Variants in CHFR observed in about 807,000 individuals in gnomAD.
The protein encoded by CHFR is checkpoint with forkhead and ring finger domains.
Under a neutral mutation model 87.6 loss-of-function variants are expected in CHFR, and 57 were observed. The observed-to-expected ratio is 0.65, with a 90% CI of 0.53 to 0.81. The LOEUF is 0.81. CHFR is among the 30% of genes least tolerant of loss of function. The probability of loss-of-function intolerance (pLI) is 0.00; values close to 1 mark genes in which losing one functional copy is unlikely to be tolerated. For synonymous variants in CHFR, 381 were observed against 359.2 expected, an observed-to-expected ratio of 1.06 and a Z score of -0.69; for missense variants, 797 against 865.8, an observed-to-expected ratio of 0.92 and a Z score of 1.00.
At chr12:132,857,807 T>C (rs150783439) in intron 8 of CHFR, among the ~76,000 whole-genome samples, 5 of 152,328 alleles carry the variant, frequency 3.3e-5, no homozygotes, top group African/African-American at 1.2e-4. Flanking sequence ...ACAGCAAGTG[T>C]TTCTGGCCCA....
intron 3 of CHFR, among the ~76,000 whole-genome samples, chr12:132,876,619 C>T (rs1219345198): frequency 6.6e-6 from 1 of 152,034 alleles, no homozygotes; most frequent in African/African-American, 2.4e-5. Flanking sequence ...CTTGCAAGAA[C>T]CAAAAATTAC....
chr12:132,858,963 G>T, intron 8 of CHFR, 105 bp downstream of exon 8: 1 of 1,165,744 alleles, frequency 8.6e-7, no homozygotes, highest in Non-Finnish European at 1.2e-6. Flanking sequence ...GCAGATGCCA[G>T]GCCAAACAGG....
chr12:132,874,191 T>C (rs1054345453), intron 3 of CHFR, among the ~76,000 whole-genome samples: 2 of 152,272 alleles, frequency 1.3e-5, no homozygotes, highest in African/African-American at 4.8e-5. Context: ...ACAGCAAATT[T>C]GTGTTTTTTA....
Position 132,853,459 on chromosome 12 carries a change from T to C in CHFR, c.1344A>G (p.Ala448=). 6.5e-7 allele frequency: 1 copy of C among 1,536,108 alleles called. No homozygotes were observed. Among genetic ancestry groups the C allele is most frequent in the Non-Finnish European group, 8.7e-7 (1 of 1,150,868 alleles). ...EPGAPQALGD[A]PSTSVSLTTA... ...TCGTCAGGCTGACGGACGTGGAGGG[T>C]GCATCCCCCAGGGCCTGTGGGGCTC... Residue 448 remains alanine, a synonymous_variant, in exon 11 of 18, where the codon GCA becomes GCG. Coordinates refer to ENST00000450056, the MANE Select transcript of CHFR (RefSeq NM_001161346.2).
chr12:132,887,186 AG>A lies in CHFR; in HGVS notation c.133+9del, dbSNP rs1951918727. ...GGCCCCGGCCCCCGGCCCCGGCCTC[AG>A]CCCCGCACCTCGTCTCCGCCCGATG... On this transcript the variant is annotated intron_variant, in intron 2 of 17. Transcript: ENST00000450056. 6.8e-7 allele frequency: 1 copy of A among 1,479,020 alleles called. No individual in the cohort carries two copies. Among genetic ancestry groups the A allele is most frequent in the South Asian group, 1.3e-5 (1 of 79,202 alleles). 91.6% of individuals were successfully genotyped at this position (1,479,020 alleles called of 1,614,324 possible).
chr12:132,848,438 A>G, intron 13 of CHFR: 1 of 696,348 alleles, frequency 1.4e-6, no homozygotes, highest in Non-Finnish European at 2.5e-6. Context: ...ATCTCCCCTA[A>G]TAATTCTGTT....
intron 6 of CHFR, chr12:132,867,192 G>A (rs567351744): frequency 4.6e-5 from 7 of 152,268 alleles, no homozygotes; most frequent in South Asian, 2.1e-4. Flanking sequence ...GGCATACAAC[G>A]GAGTAAAAAC....
intron 3 of CHFR, among the ~76,000 whole-genome samples, chr12:132,874,575 C>T (rs1364228074): frequency 1.0e-4 from 15 of 150,104 alleles, no homozygotes; most frequent in Middle Eastern, 3.6e-3. Flanking sequence ...CCAGGACCAG[C>T]ACCCAGCGTG....
At chr12:132,879,493 C>T (rs929866846) in intron 2 of CHFR, among the ~76,000 whole-genome samples, 55 of 151,376 alleles carry the variant, frequency 3.6e-4, no homozygotes, top group African/African-American at 1.2e-3. Flanking sequence ...CGGGTTCAAG[C>T]GATTCTCCTG....
intron 2 of CHFR, among the ~76,000 whole-genome samples, chr12:132,878,478 A>C (rs946286064): frequency 6.6e-6 from 1 of 151,468 alleles, no homozygotes; most frequent in Non-Finnish European, 1.5e-5. Context: ...GGAAATAAAA[A>C]AAAAAAAAAG....
chr12:132,856,426 T>C (rs767279680), intron 10 of CHFR, 42 bp downstream of exon 10: 25 of 1,606,492 alleles, frequency 1.6e-5, no homozygotes, highest in Middle Eastern at 2.0e-4. Flanking sequence ...GTGATGCTCC[T>C]CTGGCTCACA....
Position 132,869,759 on chromosome 12 carries a change from C to T in CHFR, c.443G>A (p.Arg148Gln), listed in dbSNP as rs780923793. The T allele has an allele frequency of 1.3e-6, 2 of 1,551,340 alleles. No homozygotes were observed. Among genetic ancestry groups the T allele is most frequent in the Non-Finnish European group, 1.7e-6 (2 of 1,146,990 alleles). ...AGTGGCGGGCGACGACGGAGGGACC[C>T]GGGGATCGGCCCCTCGCCCTGCACC... ...GAGAGRGADP[R>Q]VPPSSPATQV... Residue 148 changes from arginine to glutamine, a missense_variant, in exon 6 of 18, where the codon CGG becomes CAG. Transcript: ENST00000450056.
chr12:132,879,739 A>C (rs182783233), intron 2 of CHFR, among the ~76,000 whole-genome samples: 5 of 152,252 alleles, frequency 3.3e-5, no homozygotes, highest in Admixed American at 2.6e-4. Context: ...CCTCTCCTTA[A>C]ATCAAAAGAA....
chr12:132,852,959 C>G (rs528637661), intron 11 of CHFR, among the ~76,000 whole-genome samples: 2 of 152,318 alleles, frequency 1.3e-5, no homozygotes, highest in East Asian at 3.9e-4. Context: ...TGGATAGCAC[C>G]TGGAGCCCCT....
chr12:132,837,468 T>C lies in CHFR; in HGVS notation c.*4086A>G, dbSNP rs6560906. ...GCTGAGTGGGTAAGGCTGGAAGGGG[T>C]GCCATCCCACACAGGCCACAGAAGC... On this transcript the variant is annotated 3_prime_UTR_variant, in exon 18 of 18. Coordinates refer to ENST00000450056, the MANE Select transcript of CHFR (RefSeq NM_001161346.2). The C allele has an allele frequency of 0.76, 116,416 of 153,180 alleles. 44,623 individuals are homozygous for C. Among genetic ancestry groups the C allele is most frequent in the Middle Eastern group, 0.9 (265 of 294 alleles). 9.5% of individuals were successfully genotyped at this position (153,180 alleles called of 1,614,324 possible). A position where few individuals can be genotyped will look rare whatever the true frequency, so the allele number is the denominator to read the frequency against.
chr12:132,887,208 C>G lies in CHFR; in HGVS notation c.121G>C (p.Gly41Arg), dbSNP rs1220935343. The G allele has an allele frequency of 6.7e-7, 1 of 1,498,940 alleles. No individual in the cohort carries two copies. Among genetic ancestry groups the G allele is most frequent in the South Asian group, 1.2e-5 (1 of 80,884 alleles). The allele number at this position is 1,498,940 out of a possible 1,614,324, so 92.9% of individuals were successfully genotyped here. A position where few individuals can be genotyped will look rare whatever the true frequency, so the allele number is the denominator to read the frequency against. The change falls in exon 2 of 18, where the codon GGG becomes CGG. Residue 41 changes from glycine to arginine, a missense_variant. Physicochemically the swap from Gly to Arg is moderately radical, Grantham distance 125 (BLOSUM62 -2). This residue lies in a region of CHFR where 597 missense variants were observed against 601.2 expected (regional missense o/e 0.99). Transcript: ENST00000450056. ...VLLRKREWTI[G>R]RRRGCDLSFP... is the part of the protein sequence containing the mutation. ...CTCAGCCCCGCACCTCGTCTCCGCC[C>G]GATGGTCCACTCCCGCTTCCTCAGG...
intron 1 of CHFR, 82 bp from the exon 2 acceptor site, chr12:132,887,422 G>C: frequency 9.1e-7 from 1 of 1,096,938 alleles, no homozygotes; most frequent in African/African-American, 1.7e-5. Context: ...CGCGGGCCCC[G>C]GCCCGGCCGC....
intron 7 of CHFR, 130 bp from the exon 8 acceptor site, chr12:132,859,357 C>G (rs1273362987): frequency 4.9e-6 from 4 of 818,548 alleles, no homozygotes; most frequent in Non-Finnish European, 7.4e-6. Flanking sequence ...TACATGCAGT[C>G]TTTTTTTTTT....
chr12:132,842,697 G>A (rs1056272289), intron 17 of CHFR, among the ~76,000 whole-genome samples: 4 of 152,244 alleles, frequency 2.6e-5, no homozygotes, highest in South Asian at 2.1e-4. Context: ...AGCGCTTTGC[G>A]AGGGGGGCCT....
Sources: allele counts gnomAD v4.1 joint callset (sites outside exome capture counted in the v4.1 genomes callset), GRCh38; gene constraint gnomAD v4.1.1; regional missense constraint gnomAD v4.1.1; transcripts MANE v1.5; gene names NCBI Gene and HGNC (gene_info 2026-07-23, HGNC 2026-07-21).